WASF2: variants seen among roughly 807,000 people sequenced by gnomAD.
WASF2 encodes the protein actin-binding protein WASF2.
Under a neutral mutation model 45.0 loss-of-function variants are expected in WASF2, and 14 were observed. The observed-to-expected ratio is 0.31, with a 90% CI of 0.21 to 0.49. WASF2 has a LOEUF of 0.49. Among genes scored for constraint, WASF2 ranks in the 20% least tolerant of loss-of-function variants. WASF2 has a pLI of 0.99. For missense variants in WASF2, 439 were observed against 636.1 expected (o/e 0.69, Z 3.33); for synonymous variants, 200 against 236.3 (o/e 0.85, Z 1.41).
intron 1 of WASF2, among the ~76,000 whole-genome samples, chr1:27,478,096 GA>G (rs2017794652): frequency 6.6e-6 from 1 of 150,944 alleles, no homozygotes; most frequent in Non-Finnish European, 1.5e-5. Flanking sequence ...CTACTAAAAA[GA>G]GACTTGGGAG....
rs2016739269 is a variant in WASF2 at position 27,410,001 on chromosome 1, G to A, written c.1030C>T (p.Pro344Ser). The change falls in exon 8 of 9, where the codon CCA becomes TCA. Residue 344 changes from proline to serine, a missense_variant. By Grantham distance (74) the Pro-to-Ser change is moderately conservative (BLOSUM62 -1). Transcript: ENST00000618852. This position sits in a 1 kb window ranked among gnomAD's most constrained non-coding sequence, Gnocchi z 4.2. ...GGTGAGGGTGGTGGAGGCGTCCCTG[G>A]AGACCCAAATCCTACAGGCGGTGGT... ...PPPPPVGFGS[P>S]GTPPPPSPPS... 6.2e-7 allele frequency: 1 copy of A among 1,613,724 alleles called. No individual in the cohort carries two copies. Among genetic ancestry groups the A allele is most frequent in the African/African-American group, 1.3e-5 (1 of 74,870 alleles).
intron 1 of WASF2, among the ~76,000 whole-genome samples, chr1:27,487,499 T>C (rs190817404): frequency 0.016 from 1,736 of 110,362 alleles, 52 homozygotes; most frequent in African/African-American, 0.061. Context: ...TTATATAATA[T>C]TATAATATAT....
At chr1:27,434,577 A>C (rs1440804419) in intron 1 of WASF2, among the ~76,000 whole-genome samples, 1 of 152,202 alleles carries the variant, frequency 6.6e-6, no homozygotes. Context: ...TGTGAGATCT[A>C]GAATGGCCCA....
chr1:27,409,796 C>T lies in WASF2; in HGVS notation c.1235G>A (p.Gly412Asp), dbSNP rs376895488. ...AAGCGGTGGTGGTATAGCAGGCTGG[C>T]CATCTGCACCAGTGAAAGGGGGAGG... Reference protein sequence around the residue: ...PPPPPFTGADGQPAIPPPLSD... With the variant: ...PPPPPFTGADDQPAIPPPLSD... Residue 412 changes from glycine (G) to aspartate (D), a missense_variant, in exon 8 of 9, where the codon GGC (glycine) becomes GAC (aspartate). Coordinates refer to ENST00000618852, the MANE Select transcript of WASF2 (RefSeq NM_006990.5). 2 of 1,559,364 alleles carry T rather than the reference C, an allele frequency of 1.3e-6. No individual in the cohort carries two copies. The highest frequency in any genetic ancestry group is 2.3e-5 in the East Asian group (1 of 44,376).
intron 1 of WASF2, among the ~76,000 whole-genome samples, chr1:27,438,268 T>C (rs1216709875): frequency 1.3e-5 from 2 of 152,200 alleles, no homozygotes; most frequent in Admixed American, 1.3e-4. Context: ...CTTTCTTGGC[T>C]CTTGCAAGCA....
At chr1:27,486,136 C>T (rs1437854536) in intron 1 of WASF2, among the ~76,000 whole-genome samples, 2 of 145,334 alleles carry the variant, frequency 1.4e-5, no homozygotes, top group East Asian at 2.0e-4. Context: ...TGACATAAGG[C>T]TAATGACAGT....
chr1:27,454,173 ATATATATATATATATTTTTTTTTTT>A (rs2017430062), intron 1 of WASF2, among the ~76,000 whole-genome samples: 1 of 62,328 alleles, frequency 1.6e-5, no homozygotes, highest in Admixed American at 2.3e-4. Flanking sequence ...ATATATATAT[ATATATATATATATATTTTTTTTTTT>A]TTTTTTTTTT....
rs1376080533 is a variant in WASF2, at chr1:27,428,940, A to G, written c.-43-7T>C. On this transcript the variant is annotated splice_polypyrimidine_tract_variant and splice_region_variant and intron_variant, in intron 1 of 8. Transcript: ENST00000618852. Reference sequence around the variant, plus strand: ...CTGAATGGTGAAAAACAACCTAAAAAAGAAATAACAGGAAAGTATTACTCA... The same window carrying G: ...CTGAATGGTGAAAAACAACCTAAAAGAGAAATAACAGGAAAGTATTACTCA... 1 of 1,610,022 alleles carries G rather than the reference A, an allele frequency of 6.2e-7. No homozygotes were observed. Among genetic ancestry groups the G allele is most frequent in the Middle Eastern group, 2.0e-4 (1 of 5,016 alleles).
At chr1:27,451,867 T>A (rs771079956) in intron 1 of WASF2, among the ~76,000 whole-genome samples, 5 of 152,212 alleles carry the variant, frequency 3.3e-5, no homozygotes, top group Admixed American at 1.3e-4. Context: ...GAGGTGTATT[T>A]TTTTCTATAC....
chr1:27,457,026 A>G (rs1170146488), intron 1 of WASF2, among the ~76,000 whole-genome samples: 2 of 151,898 alleles, frequency 1.3e-5, no homozygotes, highest in African/African-American at 2.4e-5. Flanking sequence ...TACAGGCGTG[A>G]GCCACCGGGT....
At position 27,408,148 on chromosome 1, in the gene WASF2, A is replaced by T; in HGVS notation, c.*41T>A. 1 of 1,595,454 alleles carries T rather than the reference A, an allele frequency of 6.3e-7. No individual in the cohort carries two copies. Among genetic ancestry groups the T allele is most frequent in the Non-Finnish European group, 8.6e-7 (1 of 1,167,328 alleles). The stretch of plus-strand genomic sequence containing the variant: ...GGGGTTGGCATCAAAGAAGGCAGGT[A>T]GGAAGGAAAGAAAAAGAAGGTGGGC... On this transcript the variant is annotated 3_prime_UTR_variant, in exon 9 of 9. Coordinates refer to ENST00000618852, the MANE Select transcript of WASF2 (RefSeq NM_006990.5).
chr1:27,467,041 C>T (rs2017622397), intron 1 of WASF2, among the ~76,000 whole-genome samples: 1 of 150,748 alleles, frequency 6.6e-6, no homozygotes, highest in Admixed American at 6.6e-5. Flanking sequence ...ATGGAGAAAC[C>T]CCATCCCTAT....
At chr1:27,425,862 A>AAAAAG (rs2016973166) in intron 2 of WASF2, among the ~76,000 whole-genome samples, 1 of 150,984 alleles carries the variant, frequency 6.6e-6, no homozygotes, top group East Asian at 1.9e-4. Flanking sequence ...AAAAAAAAAA[A>AAAAAG]ATTAGCTGGG....
chr1:27,436,529 T>C (rs540153570), intron 1 of WASF2, among the ~76,000 whole-genome samples: 3 of 152,348 alleles, frequency 2.0e-5, no homozygotes, highest in South Asian at 4.1e-4. Flanking sequence ...GAAAGTCGAA[T>C]AGTCATTTGA....
intron 1 of WASF2, 33 bp from the exon 2 acceptor site, chr1:27,428,966 A>ACCACAAATT (rs2017024740): frequency 6.4e-7 from 1 of 1,561,726 alleles, no homozygotes; most frequent in African/African-American, 1.4e-5. Context: ...GTATTACTCA[A>ACCACAAATT]CCACAAATTC....
At chr1:27,472,229 G>A (rs1268189585) in intron 1 of WASF2, among the ~76,000 whole-genome samples, 3 of 151,342 alleles carry the variant, frequency 2.0e-5, no homozygotes, top group African/African-American at 7.3e-5. Flanking sequence ...TACTCGAGAG[G>A]CAGGAGAATT....
chr1:27,442,202 G>A (rs181878752), intron 1 of WASF2, among the ~76,000 whole-genome samples: 32 of 152,058 alleles, frequency 2.1e-4, no homozygotes, highest in Admixed American at 4.6e-4. Context: ...TTTAAAATAT[G>A]CTGGATCCCA....
chr1:27,479,086 A>C (rs2017811121), intron 1 of WASF2, among the ~76,000 whole-genome samples: 1 of 151,822 alleles, frequency 6.6e-6, no homozygotes, highest in African/African-American at 2.4e-5. Context: ...GGAGTTCAAG[A>C]CCACCCTAGT....
At chr1:27,409,298 G>A (rs1166470815) in intron 8 of WASF2, among the ~76,000 whole-genome samples, 8 of 151,208 alleles carry the variant, frequency 5.3e-5, no homozygotes, top group Non-Finnish European at 7.4e-5. Context: ...GGTGGCAGGC[G>A]CCTGTAGTAC....
Sources: allele counts gnomAD v4.1 joint callset (sites outside exome capture counted in the v4.1 genomes callset), GRCh38; gene constraint gnomAD v4.1.1; non-coding constraint Gnocchi (gnomAD v3.1); transcripts MANE v1.5; gene names NCBI Gene and HGNC (gene_info 2026-07-23, HGNC 2026-07-21).